UBE4B: variants seen among roughly 807,000 people sequenced by gnomAD.
UBE4B encodes ubiquitin conjugation factor E4 B.
UBE4B carries 27 observed loss-of-function variants against 148.1 expected under a neutral mutation model. That is an observed-to-expected ratio of 0.18 (90% CI 0.13 to 0.25). The LOEUF (loss-of-function observed/expected upper bound fraction) is 0.25. Ranked by LOEUF, UBE4B falls within the 10% of genes least tolerant of loss-of-function variation. The pLI, the probability that UBE4B is intolerant of heterozygous loss-of-function variation, is 1.00. For synonymous variants in UBE4B, 596 were observed against 619.3 expected (o/e 0.96, Z 0.56); for missense variants, 1,170 against 1,662.4 (o/e 0.70, Z 5.15).
At chr1:10,060,902 C>T (rs1373244752) in intron 1 of UBE4B, among the ~76,000 whole-genome samples, 3 of 152,008 alleles carry the variant, frequency 2.0e-5, no homozygotes, top group Non-Finnish European at 4.4e-5. Context: ...TGCCACCATG[C>T]CCAGCTAATT....
chr1:10,118,799 C>T (rs901794114), intron 8 of UBE4B, among the ~76,000 whole-genome samples: 21 of 150,220 alleles, frequency 1.4e-4, no homozygotes, highest in African/African-American at 3.9e-4. Flanking sequence ...CCACTGCACC[C>T]GGCACACCCA....
chr1:10,113,353 G>A (rs1339783629), intron 7 of UBE4B, among the ~76,000 whole-genome samples: 3 of 152,184 alleles, frequency 2.0e-5, no homozygotes, highest in South Asian at 2.1e-4. Flanking sequence ...CACTAGGCCC[G>A]TGCTCCAACA....
chr1:10,078,983 ATTTTT>A (rs928144362), intron 2 of UBE4B, among the ~76,000 whole-genome samples: 5 of 151,984 alleles, frequency 3.3e-5, no homozygotes, highest in Admixed American at 2.0e-4. Flanking sequence ...TGCCTGGCTA[ATTTTT>A]TAATTTTTTT....
rs764607080 is a variant in UBE4B, at chr1:10,168,129, G to A, written c.3199-7G>A. 6.2e-7 allele frequency: 1 copy of A among 1,613,718 alleles called. No individual in the cohort carries two copies. Among genetic ancestry groups the A allele is most frequent in the South Asian group, 1.1e-5 (1 of 91,060 alleles). ...GCCTTACTCAGCGTCTGTTCGATGT[G>A]TCCTAGGATCAGCAGCAGGCTCGTC... On this transcript the variant is annotated splice_region_variant and splice_polypyrimidine_tract_variant and intron_variant, in intron 23 of 27. Coordinates refer to ENST00000343090, the MANE Select transcript of UBE4B (RefSeq NM_001105562.3). The surrounding 1 kb of genome is among the most constrained non-coding windows in gnomAD (Gnocchi z 4.9).
At chr1:10,151,252 C>A in intron 20 of UBE4B, 74 bp from the exon 21 acceptor site, 1 of 1,416,044 alleles carries the variant, frequency 7.1e-7, no homozygotes, top group Non-Finnish European at 9.9e-7. Flanking sequence ...CTTACTGACA[C>A]CAGCCTTCAC....
At chr1:10,070,509 C>T (rs530485379) in intron 1 of UBE4B, among the ~76,000 whole-genome samples, 5 of 150,824 alleles carry the variant, frequency 3.3e-5, no homozygotes, top group South Asian at 4.2e-4. Flanking sequence ...CGAGCTGCTT[C>T]CTGCCCCTTT....
chr1:10,049,432 A>T (rs1570778742), intron 1 of UBE4B, among the ~76,000 whole-genome samples: 1 of 152,080 alleles, frequency 6.6e-6, no homozygotes, highest in South Asian at 2.1e-4. Flanking sequence ...GTCTTTAAAG[A>T]TGACTAGGAT....
rs79949214 is a variant in UBE4B, at chr1:10,039,146, A to T, written c.24+5452A>T. ...AATTTGAGTAGAGGAGATAGATAGG[A>T]ATCCAACAGTTATAGAATAGTGCCA... On this transcript the variant is annotated intron_variant, in intron 1 of 27. Coordinates refer to ENST00000343090, the MANE Select transcript of UBE4B (RefSeq NM_001105562.3). Among the ~76,000 whole-genome samples the T allele has an allele frequency of 7.2e-5, 11 of 152,246 alleles. No individual in the cohort carries two copies. The East Asian group carries it at 2.1e-3, about 29-fold the overall frequency.
At chr1:10,139,842 C>T (rs558303393) in intron 17 of UBE4B, among the ~76,000 whole-genome samples, 1 of 152,282 alleles carries the variant, frequency 6.6e-6, no homozygotes, top group South Asian at 2.1e-4. Flanking sequence ...GATTCTCCTG[C>T]CTCAGCCTCC....
chr1:10,104,767 G>A (rs960053300), intron 5 of UBE4B, among the ~76,000 whole-genome samples: 3 of 152,066 alleles, frequency 2.0e-5, no homozygotes, highest in African/African-American at 7.2e-5. Context: ...AACCAAATCA[G>A]ATAAAATTTC....
intron 8 of UBE4B, among the ~76,000 whole-genome samples, chr1:10,118,864 T>G (rs1320969491): frequency 1.3e-3 from 164 of 129,208 alleles, no homozygotes; most frequent in African/African-American, 4.7e-3. Context: ...TTGGCCAGGC[T>G]GGTCTTTTTT....
rs1485770254 is a variant in UBE4B, at chr1:10,179,911, G to C, written c.3864G>C (p.Glu1288Asp). Residue 1288 changes from glutamate (E) to aspartate (D), a missense_variant, in exon 28 of 28, where the codon GAG becomes GAC. Physicochemically the swap from Glu to Asp is conservative, Grantham distance 45. Transcript: ENST00000343090. ...SMLEPVPELK[E>D]QIQAWMREKQ... Reference sequence around the variant, plus strand: ...TTTTCTCAGTGCCAGAACTGAAAGAGCAGATTCAGGCGTGGATGAGAGAGA... The same window carrying C: ...TTTTCTCAGTGCCAGAACTGAAAGACCAGATTCAGGCGTGGATGAGAGAGA... 1 of 1,614,082 alleles carries C rather than the reference G, an allele frequency of 6.2e-7. No homozygotes were observed. The highest frequency in any genetic ancestry group is 8.5e-7 in the Non-Finnish European group (1 of 1,180,050).
chr1:10,105,684 A>G lies in UBE4B; in HGVS notation c.749A>G (p.Asn250Ser). The G allele has an allele frequency of 1.9e-6, 3 of 1,614,208 alleles. No individual in the cohort carries two copies. Among genetic ancestry groups the G allele is most frequent in the Non-Finnish European group, 2.5e-6 (3 of 1,180,030 alleles). The change falls in exon 6 of 28, where the codon AAT becomes AGT. Residue 250 changes from asparagine (N) to serine (S), a missense_variant. Asn to Ser is a conservative substitution (Grantham distance 46). This residue lies in a region of UBE4B where 214 missense variants were observed against 209.1 expected (regional missense o/e 1.02). Transcript: ENST00000343090. ...DRNLLLNTGS[N>S]PGTSPMFCSV... ...AATCTCTTGCTAAACACTGGCTCCA[A>G]TCCAGGAACAAGCCCCATGTTCTGC... is the stretch of plus-strand genomic sequence containing the variant.
chr1:10,101,043 C>G, intron 3 of UBE4B, 65 bp from the exon 4 acceptor site: 1 of 1,372,334 alleles, frequency 7.3e-7, no homozygotes, highest in Non-Finnish European at 1.0e-6. Context: ...TCTCACCCAG[C>G]AGCTACAGTG....
At chr1:10,136,010 T>C (rs1169540128) in intron 16 of UBE4B, among the ~76,000 whole-genome samples, 1 of 151,978 alleles carries the variant, frequency 6.6e-6, no homozygotes, top group Non-Finnish European at 1.5e-5. Flanking sequence ...CTCCCAGTAG[T>C]AACATTATTT....
chr1:10,062,888 G>A (rs368008568), intron 1 of UBE4B, among the ~76,000 whole-genome samples: 48 of 149,336 alleles, frequency 3.2e-4, no homozygotes, highest in African/African-American at 8.9e-4. Context: ...CCTGGGAGGC[G>A]GAGGTTGCAG....
At chr1:10,132,612 C>G (rs913726163) in intron 15 of UBE4B, 130 bp downstream of exon 15, 4 of 672,912 alleles carry the variant, frequency 5.9e-6, no homozygotes, top group Admixed American at 3.0e-5. Context: ...GAGCTTCCTG[C>G]TTTTGTGGAG....
chr1:10,156,651 C>T (rs1466958007), intron 21 of UBE4B, among the ~76,000 whole-genome samples: 2 of 152,146 alleles, frequency 1.3e-5, no homozygotes, highest in Non-Finnish European at 2.9e-5. Context: ...CCTCCTGTAT[C>T]TTCCTCTTGT....
At position 10,130,827 on chromosome 1, in the gene UBE4B, A is replaced by G; in HGVS notation, c.1911+14A>G. The stretch of plus-strand genomic sequence containing the variant: ...GAGCTCGGAAGGGTAAGTGTTCAGA[A>G]AACAAATCCAGAGGAAGTATCAAAG... On this transcript the variant is annotated intron_variant, in intron 14 of 27. Transcript: ENST00000343090. 1 of 1,607,392 alleles carries G rather than the reference A, an allele frequency of 6.2e-7. No individual in the cohort carries two copies. The highest frequency in any genetic ancestry group is 1.1e-5 in the South Asian group (1 of 90,894).
Sources: gnomAD v4.1 joint callset for allele counts (sites outside exome capture counted in the v4.1 genomes callset) on GRCh38, gnomAD v4.1.1 for gene constraint, gnomAD v4.1.1 regional missense constraint, Gnocchi (gnomAD v3.1) non-coding constraint, MANE v1.5 for transcripts, NCBI Gene and HGNC (gene_info 2026-07-23, HGNC 2026-07-21) for gene names.